Variants in DTNA observed in about 807,000 individuals in gnomAD.
DTNA encodes dystrobrevin alpha.
A neutral mutation model predicts 100.7 loss-of-function variants in DTNA; 43 were observed. That is an observed-to-expected ratio of 0.43 (90% CI 0.33 to 0.55). DTNA has a LOEUF of 0.55. Among genes scored for constraint, DTNA ranks in the 20% least tolerant of loss-of-function variants. DTNA has a pLI of 0.04. For synonymous variants in DTNA, 349 were observed against 347.9 expected (o/e 1.00, Z -0.04); for missense variants, 798 against 953.9 (o/e 0.84, Z 2.15).
chr18:34,870,608 A>G (rs916774130), intron 17 of DTNA, among the ~76,000 whole-genome samples: 1 of 152,134 alleles, frequency 6.6e-6, no homozygotes, highest in Non-Finnish European at 1.5e-5. Flanking sequence ...AAAACCTAGG[A>G]AGATGACTCT....
At chr18:34,609,733 T>G (rs1410504811) in intron 1 of DTNA, among the ~76,000 whole-genome samples, 1 of 152,184 alleles carries the variant, frequency 6.6e-6, no homozygotes, top group Non-Finnish European at 1.5e-5. Context: ...GCCTGTGATT[T>G]TGGACTCACG....
At chr18:34,831,630 C>T (rs1200258249) in intron 11 of DTNA, among the ~76,000 whole-genome samples, 1 of 151,988 alleles carries the variant, frequency 6.6e-6, no homozygotes, top group African/African-American at 2.4e-5. Context: ...TGGCCAGGCA[C>T]AGTGGCGGGT....
chr18:34,686,984 G>A (rs1048576119), intron 1 of DTNA, among the ~76,000 whole-genome samples: 3 of 152,022 alleles, frequency 2.0e-5, no homozygotes, highest in Admixed American at 6.5e-5. Context: ...GGGATCAGTG[G>A]TGATCTCCCC....
intron 1 of DTNA, among the ~76,000 whole-genome samples, chr18:34,670,711 T>C (rs1568176948): frequency 6.6e-6 from 1 of 152,218 alleles, no homozygotes; most frequent in Non-Finnish European, 1.5e-5. Context: ...GGCCTGGGTA[T>C]CAGCATTGGA....
chr18:34,509,756 T>A (rs768000685), intron 1 of DTNA, among the ~76,000 whole-genome samples: 2 of 152,080 alleles, frequency 1.3e-5, no homozygotes, highest in Non-Finnish European at 2.9e-5. Context: ...TGGATTTAAG[T>A]TTTTGTTTCT....
chr18:34,586,023 A>T lies in DTNA; in HGVS notation c.-2+92509A>T, dbSNP rs76242677. Among the ~76,000 whole-genome samples, 1,201 of 152,276 alleles carry T rather than the reference A, an allele frequency of 7.9e-3. 14 individuals are homozygous for T. The highest frequency in any genetic ancestry group is 0.048 in the South Asian group (232 of 4,824). ...AGTCCCCACAGGGACTGCCTCATGGAGGAGGGGGCTGAAGAAATGGGGCCA... is the reference window on the plus strand; with the variant it reads ...AGTCCCCACAGGGACTGCCTCATGGTGGAGGGGGCTGAAGAAATGGGGCCA... On this transcript the variant is annotated intron_variant, in intron 1 of 19. Transcript: ENST00000283365.
chr18:34,727,780 G>C (rs557843138), intron 1 of DTNA, among the ~76,000 whole-genome samples: 1 of 152,288 alleles, frequency 6.6e-6, no homozygotes, highest in East Asian at 1.9e-4. Flanking sequence ...GGTCAGGCTA[G>C]TGTCAAAGTC....
At chr18:34,694,298 G>A (rs1033325626) in intron 1 of DTNA, among the ~76,000 whole-genome samples, 10 of 152,284 alleles carry the variant, frequency 6.6e-5, no homozygotes, top group African/African-American at 2.4e-4. Context: ...ATGGAGCAAT[G>A]TTTTTCCATC....
intron 1 of DTNA, among the ~76,000 whole-genome samples, chr18:34,558,933 C>T (rs1252641133): frequency 6.6e-6 from 1 of 152,192 alleles, no homozygotes; most frequent in Non-Finnish European, 1.5e-5. Context: ...AGATGGTTGA[C>T]AGACTTTGCC....
At chr18:34,534,040 G>A (rs1433912960) in intron 1 of DTNA, among the ~76,000 whole-genome samples, 1 of 152,084 alleles carries the variant, frequency 6.6e-6, no homozygotes, top group African/African-American at 2.4e-5. Context: ...AGTTGGAACA[G>A]AAGGGACTTC....
At chr18:34,784,932 A>T (rs2094457222) in intron 3 of DTNA, among the ~76,000 whole-genome samples, 1 of 149,932 alleles carries the variant, frequency 6.7e-6, no homozygotes, top group African/African-American at 2.5e-5. Context: ...ACACTGAAAT[A>T]TTCTTTTTTT....
intron 20 of DTNA, 77 bp from the exon 21 acceptor site, chr18:34,881,992 T>C (rs1443577229): frequency 6.2e-7 from 1 of 1,605,972 alleles, no homozygotes; most frequent in Non-Finnish European, 8.5e-7. Flanking sequence ...CCAACGAAAC[T>C]ACAGCTCACA....
intron 1 of DTNA, among the ~76,000 whole-genome samples, chr18:34,498,374 A>G (rs2039497894): frequency 6.6e-6 from 1 of 151,360 alleles, no homozygotes; most frequent in South Asian, 2.1e-4. Context: ...CAGAGCTTGC[A>G]GTGAGCCGAG....
At chr18:34,825,385 T>C (rs557394813) in intron 9 of DTNA, 2 of 1,354,826 alleles carry the variant, frequency 1.5e-6, no homozygotes, top group Admixed American at 1.7e-5. Context: ...TAGAACTAAG[T>C]CTTCTTATGC....
At chr18:34,703,956 T>C (rs910488036) in intron 1 of DTNA, among the ~76,000 whole-genome samples, 3 of 152,222 alleles carry the variant, frequency 2.0e-5, no homozygotes, top group African/African-American at 7.2e-5. Flanking sequence ...TGCTTCTCTT[T>C]TTCTTTCCCC....
intron 1 of DTNA, among the ~76,000 whole-genome samples, chr18:34,556,455 C>A (rs1429937862): frequency 6.6e-6 from 1 of 150,898 alleles, no homozygotes; most frequent in African/African-American, 2.4e-5. Flanking sequence ...GATGCAGTTT[C>A]TTCCTAGTCT....
At position 34,818,188 on chromosome 18, in the gene DTNA, A is replaced by G; in HGVS notation, c.734A>G (p.Tyr245Cys). The G allele has an allele frequency of 1.2e-6, 2 of 1,613,888 alleles. No homozygotes were observed. The highest frequency in any genetic ancestry group is 1.1e-5 in the South Asian group (1 of 91,084). ...GTCTTCCATCCGGTTGAGTGTTCCT[A>G]CTGCCACAGTGAGAGTATGATGGGA... ...ENVFHPVECS[Y>C]CHSESMMGFR... Residue 245 changes from tyrosine (Y) to cysteine (C), a missense_variant, in exon 8 of 23, where the codon TAC (tyrosine) becomes TGC (cysteine). Physicochemically the swap from Tyr to Cys is radical, Grantham distance 194 (BLOSUM62 -2). Coordinates refer to ENST00000444659, the MANE Select transcript of DTNA (RefSeq NM_001386795.1).
intron 1 of DTNA, among the ~76,000 whole-genome samples, chr18:34,722,649 A>G (rs1240611784): frequency 6.6e-6 from 1 of 151,152 alleles, no homozygotes; most frequent in African/African-American, 2.5e-5. Context: ...AGCCATCTTT[A>G]GAATCAAGAT....
At chr18:34,691,254 G>A (rs73416433) in intron 1 of DTNA, among the ~76,000 whole-genome samples, 4,150 of 152,076 alleles carry the variant, frequency 0.027, 214 homozygotes, top group African/African-American at 0.095. Flanking sequence ...AAACATGACC[G>A]ACTAAACTAA....
Sources: gnomAD v4.1 joint callset for allele counts (sites outside exome capture counted in the v4.1 genomes callset) on GRCh38, gnomAD v4.1.1 for gene constraint, MANE v1.5 for transcripts, NCBI Gene and HGNC (gene_info 2026-07-23, HGNC 2026-07-21) for gene names.